Variants in SETMAR observed in about 807,000 individuals in gnomAD.
SETMAR encodes the protein SET and mariner transposase domain methyltransferase.
In SETMAR, 44 loss-of-function variants were observed where a neutral mutation model predicts 58.4. That is an observed-to-expected ratio of 0.75 (90% CI 0.59 to 0.97). SETMAR has a LOEUF of 0.97. Ranked by LOEUF, SETMAR falls within the 50% of genes least tolerant of loss-of-function variation. The probability of loss-of-function intolerance (pLI) is 0.00; values close to 1 mark genes in which losing one functional copy is unlikely to be tolerated. For missense variants in SETMAR, 903 were observed against 840.2 expected (o/e 1.07, Z -0.92); for synonymous variants, 332 against 307.4 (o/e 1.08, Z -0.84).
Position 4,312,888 on chromosome 3 carries a change from T to C in SETMAR, c.157-10T>C, listed in dbSNP as rs773483561. ...GCCGTGCTGACTTACAGTGTGTATA[T>C]TTTTTACAGTACACTCCTGATCATG... On this transcript the variant is annotated splice_polypyrimidine_tract_variant and intron_variant, in intron 1 of 2. Transcript: ENST00000358065. The C allele has an allele frequency of 8.8e-6, 14 of 1,598,890 alleles. No homozygotes were observed. The highest frequency in any genetic ancestry group is 2.6e-6 in the Non-Finnish European group (3 of 1,172,892).
chr3:4,303,461 G>A lies in SETMAR; in HGVS notation c.91G>A (p.Ala31Thr), dbSNP rs749031276. The A allele has an allele frequency of 1.9e-5, 29 of 1,533,704 alleles. No homozygotes were observed. In the South Asian group the frequency reaches 3.1e-4, roughly 16 times the overall value. ...PEAPTEQLDVACGQENLPVGA... is the reference protein window; with the variant it reads ...PEAPTEQLDVTCGQENLPVGA... Reference sequence around the variant, plus strand: ...GGCCCCGACTGAGCAGCTGGATGTCGCGTGCGGCCAGGAAAACTTGCCGGT... The same window carrying A: ...GGCCCCGACTGAGCAGCTGGATGTCACGTGCGGCCAGGAAAACTTGCCGGT... The change falls in exon 1 of 3, where the codon GCG (alanine) becomes ACG (threonine). Residue 31 changes from alanine to threonine, a missense_variant. Transcript: ENST00000358065.
chr3:4,316,809 G>C lies in SETMAR; in HGVS notation c.1618G>C (p.Ala540Pro). The change falls in exon 3 of 3, where the codon GCT becomes CCT. Residue 540 changes from alanine (A) to proline (P), a missense_variant. Transcript: ENST00000358065. ...KVMVTIWWSA[A>P]GLIHYSFLNP... ...CATGGTCACTATTTGGTGGTCTGCT[G>C]CTGGTCTGATCCACTACAGCTTTCT... 6.4e-7 allele frequency: 1 copy of C among 1,550,638 alleles called. No homozygotes were observed. The highest frequency in any genetic ancestry group is 8.7e-7 in the Non-Finnish European group (1 of 1,146,716).
intron 1 of SETMAR, among the ~76,000 whole-genome samples, chr3:4,306,985 T>G (rs1698213853): frequency 6.6e-6 from 1 of 152,250 alleles, no homozygotes; most frequent in African/African-American, 2.4e-5. Context: ...GCTTCAAACA[T>G]TATTTTTAGA....
intron 1 of SETMAR, 142 bp from the exon 2 acceptor site, chr3:4,312,756 A>T: frequency 1.3e-6 from 1 of 796,520 alleles, no homozygotes; most frequent in East Asian, 3.9e-5. Context: ...TTTGGACAAT[A>T]TCTTAGTATG....
chr3:4,310,194 T>C (rs1427296367), intron 1 of SETMAR, among the ~76,000 whole-genome samples: 1 of 152,242 alleles, frequency 6.6e-6, no homozygotes, highest in Non-Finnish European at 1.5e-5. Flanking sequence ...AGCACATGAC[T>C]ACTCGAAGTT....
In SETMAR at chr3:4,317,175, G is replaced by T. The variant is rs114846657; in HGVS notation, c.1984G>T (p.Ala662Ser). The change falls in exon 3 of 3, where the codon GCT becomes TCT. Residue 662 changes from alanine (A) to serine (S), a missense_variant. By Grantham distance (99) the Ala-to-Ser change is moderately conservative. Transcript: ENST00000358065. ...CGAATCCCAAAGCACGGATTTTTAC[G>T]CTACAGGAATAAACCAACTTATTTC... is the stretch of plus-strand genomic sequence containing the variant. ...FVESQSTDFY[A>S]TGINQLISRW... 5.2e-6 allele frequency: 8 copies of T among 1,549,922 alleles called. No homozygotes were observed. The highest frequency in any genetic ancestry group is 7.0e-6 in the Non-Finnish European group (8 of 1,146,338).
chr3:4,313,512 A>C lies in SETMAR; in HGVS notation c.771A>C (p.Glu257Asp), dbSNP rs887410739. Residue 257 changes from glutamate (E) to aspartate (D), a missense_variant, in exon 2 of 3, where the codon GAA (glutamate) becomes GAC (aspartate). Transcript: ENST00000358065. ...CCAAAGATATTGTGCCAGAAGAAGAACTCTCTTATGATTATTCAGGAAGAT... is the reference window on the plus strand; with the variant it reads ...CCAAAGATATTGTGCCAGAAGAAGACCTCTCTTATGATTATTCAGGAAGAT... ...FAAKDIVPEE[E>D]LSYDYSGRYL... The C allele has an allele frequency of 2.5e-6, 4 of 1,613,782 alleles. No homozygotes were observed. In the Admixed American group the frequency reaches 6.7e-5, roughly 27 times the overall value.
In SETMAR at chr3:4,303,407, G is replaced by T; in HGVS notation, c.37G>T (p.Gly13Trp). ...AEAAKTTRPCGMAEFKEKPEA... is the reference protein window; with the variant it reads ...AEAAKTTRPCWMAEFKEKPEA... Reference sequence around the variant, plus strand: ...AGCGGCAAAGACGACACGGCCTTGTGGGATGGCGGAGTTTAAGGAGAAGCC... The same window carrying T: ...AGCGGCAAAGACGACACGGCCTTGTTGGATGGCGGAGTTTAAGGAGAAGCC... The change falls in exon 1 of 3, where the codon GGG becomes TGG. Residue 13 changes from glycine (G) to tryptophan (W), a missense_variant. Coordinates refer to ENST00000358065, the MANE Select transcript of SETMAR (RefSeq NM_006515.4). The T allele has an allele frequency of 6.4e-7, 1 of 1,558,440 alleles. No individual in the cohort carries two copies. The highest frequency in any genetic ancestry group is 2.6e-5 in the East Asian group (1 of 38,198).
intron 1 of SETMAR, chr3:4,303,954 T>C (rs1698068431): frequency 1.5e-5 from 14 of 952,200 alleles, no homozygotes; most frequent in Non-Finnish European, 1.9e-5. Context: ...AGCTGTGGTC[T>C]CCCTCACGCT....
At chr3:4,313,791 C>G (rs1698524460) in intron 2 of SETMAR, 30 bp downstream of exon 2, 6 of 1,613,256 alleles carry the variant, frequency 3.7e-6, no homozygotes, top group Non-Finnish European at 5.1e-6. Flanking sequence ...AGCAGCTTGC[C>G]CCTCCCTATA....
At chr3:4,314,913 A>G (rs1041005524) in intron 2 of SETMAR, among the ~76,000 whole-genome samples, 1 of 152,232 alleles carries the variant, frequency 6.6e-6, no homozygotes, top group Non-Finnish European at 1.5e-5. Flanking sequence ...TTTCAACATT[A>G]TAGGAATCCA....
At position 4,313,215 on chromosome 3, in the gene SETMAR, T is replaced by A. The variant is rs770355831; in HGVS notation, c.474T>A (p.Phe158Leu). ...GCTGGGGACTTCGTACCTTGGAATTTATACCGAAAGGAAGGTTTGTCTGTG... is the reference window on the plus strand; with the variant it reads ...GCTGGGGACTTCGTACCTTGGAATTAATACCGAAAGGAAGGTTTGTCTGTG... ...KKGWGLRTLE[F>L]IPKGRFVCEY... is the part of the protein sequence containing the mutation. The change falls in exon 2 of 3, where the codon TTT (phenylalanine) becomes TTA (leucine). Residue 158 changes from phenylalanine (F) to leucine (L), a missense_variant. Phe to Leu is a conservative substitution (Grantham distance 22, BLOSUM62 0). Transcript: ENST00000358065. 6.2e-7 allele frequency: 1 copy of A among 1,613,952 alleles called. No individual in the cohort carries two copies. Among genetic ancestry groups the A allele is most frequent in the Non-Finnish European group, 8.5e-7 (1 of 1,179,988 alleles).
At chr3:4,305,941 T>TA (rs1698170910) in intron 1 of SETMAR, among the ~76,000 whole-genome samples, 1 of 152,238 alleles carries the variant, frequency 6.6e-6, no homozygotes, top group Non-Finnish European at 1.5e-5. Flanking sequence ...AACTTAGGAC[T>TA]AAGCATTGCT....
At chr3:4,312,435 T>C (rs1226529037) in intron 1 of SETMAR, among the ~76,000 whole-genome samples, 3 of 152,102 alleles carry the variant, frequency 2.0e-5, no homozygotes, top group Non-Finnish European at 4.4e-5. Context: ...TATACATACA[T>C]AATAATACAT....
In SETMAR at chr3:4,316,316, A is replaced by T. The variant is rs781284621; in HGVS notation, c.1125A>T (p.Ala375=). 44 of 1,222,856 alleles carry T rather than the reference A, an allele frequency of 3.6e-5. No individual in the cohort carries two copies. The highest frequency in any genetic ancestry group is 4.8e-5 in the Non-Finnish European group (41 of 859,362). The allele number at this position is 1,222,856 out of a possible 1,614,324, so 75.8% of individuals were successfully genotyped here. A position where few individuals can be genotyped will look rare whatever the true frequency, so the allele number is the denominator to read the frequency against. ...AAACAACTCGCAACATCAACAATGC[A>T]TTTGGCCCAGGAACTGCTAACGAAC... ...AAETTRNINN[A]FGPGTANERT... The change falls in exon 3 of 3, where the codon GCA becomes GCT. Residue 375 remains alanine (A), a synonymous_variant. Transcript: ENST00000358065.
intron 2 of SETMAR, among the ~76,000 whole-genome samples, chr3:4,315,391 A>G (rs1284538700): frequency 6.6e-6 from 1 of 152,180 alleles, no homozygotes; most frequent in African/African-American, 2.4e-5. Flanking sequence ...TTCTATATTG[A>G]ACAGCAGAGA....
rs766708918 is a variant in SETMAR at position 4,313,349 on chromosome 3, G to A, written c.608G>A (p.Gly203Glu). 1 of 1,613,900 alleles carries A rather than the reference G, an allele frequency of 6.2e-7. No homozygotes were observed. Residue 203 changes from glycine to glutamate, a missense_variant, in exon 2 of 3, where the codon GGG (glycine) becomes GAG (glutamate). By Grantham distance (98) the Gly-to-Glu change is moderately conservative (BLOSUM62 -2). Transcript: ENST00000358065. Reference sequence around the variant, plus strand: ...GCCATCAGGGAACATGTTTATAATGGGCAGGTAATGGAAACATTTGTTGAC... The same window carrying A: ...GCCATCAGGGAACATGTTTATAATGAGCAGGTAATGGAAACATTTGTTGAC... ...IIAIREHVYNGQVMETFVDPT... is the reference protein window; with the variant it reads ...IIAIREHVYNEQVMETFVDPT...
Position 4,313,038 on chromosome 3 carries a change from C to T in SETMAR, c.297C>T (p.Asn99=), listed in dbSNP as rs758088270. Residue 99 remains asparagine, a synonymous_variant, in exon 2 of 3, where the codon AAC becomes AAT. Transcript: ENST00000358065. ...CLRHGENYDD[N]SCLRDIGSGG... ...GCCATGGAGAGAACTATGATGATAA[C>T]TCATGCCTTAGAGATATAGGATCTG... 15 of 1,613,932 alleles carry T rather than the reference C, an allele frequency of 9.3e-6. No individual in the cohort carries two copies. Among genetic ancestry groups the T allele is most frequent in the Non-Finnish European group, 1.3e-5 (15 of 1,179,914 alleles).
intron 1 of SETMAR, among the ~76,000 whole-genome samples, chr3:4,312,238 T>C (rs1387987116): frequency 6.6e-6 from 1 of 152,140 alleles, no homozygotes; most frequent in East Asian, 1.9e-4. Context: ...TTAAAATACA[T>C]ATATGCATGT....
Sources: gnomAD v4.1 joint callset for allele counts (sites outside exome capture counted in the v4.1 genomes callset) on GRCh38, gnomAD v4.1.1 for gene constraint, MANE v1.5 for transcripts, NCBI Gene and HGNC (gene_info 2026-07-23, HGNC 2026-07-21) for gene names.